Variants in IFI27 observed in about 807,000 individuals in gnomAD.
IFI27 encodes interferon alpha-inducible protein 27, mitochondrial.
Under a neutral mutation model 8.9 loss-of-function variants are expected in IFI27, and 3 were observed. That is an observed-to-expected ratio of 0.34 (90% CI 0.15 to 0.87). The LOEUF (loss-of-function observed/expected upper bound fraction) is 0.87. IFI27 is among the 40% of genes least tolerant of loss of function. IFI27 has a pLI of 0.51. For synonymous variants in IFI27, 66 were observed against 67.3 expected, an observed-to-expected ratio of 0.98 and a Z score of 0.09; for missense variants, 152 against 157.7, an observed-to-expected ratio of 0.96 and a Z score of 0.19.
exon 4 of IFI27, chr14:94,115,802 C>A (rs772822029): frequency 6.2e-7 from 1 of 1,607,068 alleles, no homozygotes; most frequent in South Asian, 1.1e-5. Flanking sequence ...GCGGCTGTGC[C>A]CATGGTGCTC....
In IFI27 at chr14:94,111,678, C is replaced by T; in HGVS notation, c.-5C>T. The T allele has an allele frequency of 1.2e-6, 2 of 1,613,226 alleles. No individual in the cohort carries two copies. Among genetic ancestry groups the T allele is most frequent in the Non-Finnish European group, 1.7e-6 (2 of 1,179,096 alleles). The stretch of plus-strand genomic sequence containing the variant: ...CTCTAGGCCACGGAATTAACCCGAG[C>T]AGGCATGGAGGCCTCTGCTCTCACC... On this transcript the variant is annotated 5_prime_UTR_variant, in exon 2 of 5. Coordinates refer to ENST00000621160, the Ensembl canonical transcript of IFI27. This position sits in a 1 kb window ranked among gnomAD's most constrained non-coding sequence, Gnocchi z 4.3.
At chr14:94,106,324 G>A (rs767492800), upstream of IFI27, among the ~76,000 whole-genome samples, 3 of 152,172 alleles carry the variant, frequency 2.0e-5, no homozygotes, top group Non-Finnish European at 2.9e-5. Flanking sequence ...CAATTCTTTG[G>A]GATATATACC....
chr14:94,114,774 T>G, intron 2 of IFI27, 77 bp from the exon 3 acceptor site: 9 of 1,526,540 alleles, frequency 5.9e-6, no homozygotes, highest in South Asian at 2.2e-5. Flanking sequence ...CTGCCTCCCT[T>G]TAGATGGGCA....
upstream of IFI27, among the ~76,000 whole-genome samples, chr14:94,106,993 T>C (rs1887023100): frequency 6.6e-6 from 1 of 152,206 alleles, no homozygotes; most frequent in African/African-American, 2.4e-5. Context: ...GGCAAATATT[T>C]AAACTATAGC....
chr14:94,107,498 T>C (rs1887031747), upstream of IFI27, among the ~76,000 whole-genome samples: 1 of 152,242 alleles, frequency 6.6e-6, no homozygotes, highest in Non-Finnish European at 1.5e-5. Context: ...TGTTTTCTTC[T>C]AGGAGTTTCA....
intron 2 of IFI27, chr14:94,113,479 G>T (rs1887269112): frequency 6.6e-6 from 1 of 152,190 alleles, no homozygotes; most frequent in African/African-American, 2.4e-5. Flanking sequence ...TCCAGGCTGG[G>T]TGACAGAGCT....
At position 94,116,068 on chromosome 14, in the gene IFI27, T is replaced by C; in HGVS notation, c.283+126T>C. 2.9e-6 allele frequency: 3 copies of C among 1,031,762 alleles called. No homozygotes were observed. The highest frequency in any genetic ancestry group is 2.6e-5 in the East Asian group (1 of 38,688). The allele number at this position is 1,031,762 out of a possible 1,614,324, so 63.9% of individuals were successfully genotyped here. On this transcript the variant is annotated intron_variant, in intron 4 of 4. Transcript: ENST00000621160. The surrounding 1 kb of genome is among the most constrained non-coding windows in gnomAD (Gnocchi z 4.3). ...TTCCTCTGTCTCTCTCTACACATTC[T>C]CTCAGGGTTTCTCTGAGGGAGATGG...
chr14:94,115,876 G>A (rs202058619), exon 4 of IFI27: 160 of 1,600,066 alleles, frequency 1.0e-4, no homozygotes, highest in Middle Eastern at 1.6e-4. Context: ...GATGATGTCC[G>A]CGGCGGCCAT....
At chr14:94,115,683 T>A (rs1452074381) in intron 3 of IFI27, 98 bp from the exon 4 acceptor site, 11 of 1,276,436 alleles carry the variant, frequency 8.6e-6, no homozygotes, top group Non-Finnish European at 1.2e-5. Context: ...AAAGTTCACC[T>A]CTTTCTCCAG....
intron 2 of IFI27, chr14:94,113,203 G>A (rs146814397): frequency 6.6e-6 from 1 of 152,218 alleles, no homozygotes; most frequent in Non-Finnish European, 1.5e-5. Context: ...AATGAACAAT[G>A]ACAGAAAGTA....
Position 94,116,250 on chromosome 14 carries a change from G to A in IFI27, c.284-192G>A. 1.5e-6 allele frequency: 1 copy of A among 647,990 alleles called. No individual in the cohort carries two copies. The highest frequency in any genetic ancestry group is 2.8e-6 in the Non-Finnish European group (1 of 359,892). The allele number at this position is 647,990 out of a possible 1,614,324, so 40.1% of individuals were successfully genotyped here. On this transcript the variant is annotated intron_variant, in intron 4 of 4. Coordinates refer to ENST00000621160, the Ensembl canonical transcript of IFI27. This position sits in a 1 kb window ranked among gnomAD's most constrained non-coding sequence, Gnocchi z 4.3. ...CTTCTAGCTCTGGAGTTCACCATGG[G>A]GGTTCATGCCTGCAGCAGCCTCTCC...
chr14:94,115,877 C>A (rs762591542), exon 4 of IFI27: 2 of 1,600,228 alleles, frequency 1.2e-6, no homozygotes, highest in South Asian at 1.1e-5. Context: ...ATGATGTCCG[C>A]GGCGGCCATT....
rs1364146778 is a variant in IFI27, at chr14:94,111,776, G to A, written c.91+3G>A. Reference sequence around the variant, plus strand: ...CTCTGCCGTAGTTTTGCCCCTGGGTGAGTGTTCCTGGGAGGGGCTGGTGCT... The same window carrying A: ...CTCTGCCGTAGTTTTGCCCCTGGGTAAGTGTTCCTGGGAGGGGCTGGTGCT... On this transcript the variant is annotated splice_donor_region_variant and intron_variant, in intron 2 of 4. Coordinates refer to ENST00000621160, the Ensembl canonical transcript of IFI27. This position sits in a 1 kb window ranked among gnomAD's most constrained non-coding sequence, Gnocchi z 4.3. 4 of 1,612,224 alleles carry A rather than the reference G, an allele frequency of 2.5e-6. No individual in the cohort carries two copies. The highest frequency in any genetic ancestry group is 3.4e-6 in the Non-Finnish European group (4 of 1,178,236).
chr14:94,107,358 A>C (rs1887030270), upstream of IFI27, among the ~76,000 whole-genome samples: 1 of 152,124 alleles, frequency 6.6e-6, no homozygotes, highest in East Asian at 1.9e-4. Context: ...GGCGTGAGCC[A>C]CCACTCCCAC....
Position 94,116,509 on chromosome 14 carries a change from C to T in IFI27, c.351C>T (p.Val117=). Residue 117 remains valine (V), a synonymous_variant, in exon 5 of 5, where the codon GTC becomes GTT. Transcript: ENST00000621160. This position sits in a 1 kb window ranked among gnomAD's most constrained non-coding sequence, Gnocchi z 4.3. The stretch of plus-strand genomic sequence containing the variant: ...CCATTGGGTCTGCCATTGCGGCTGT[C>T]ATTGCGAGGTTCTACTAGCTCCCTG... The T allele has an allele frequency of 6.2e-7, 1 of 1,613,180 alleles. No individual in the cohort carries two copies. The highest frequency in any genetic ancestry group is 8.5e-7 in the Non-Finnish European group (1 of 1,179,592).
Position 94,116,228 on chromosome 14 carries a change from C to G in IFI27, c.284-214C>G, listed in dbSNP as rs542522762. 33 of 658,956 alleles carry G rather than the reference C, an allele frequency of 5.0e-5. No homozygotes were observed. Among genetic ancestry groups the G allele is most frequent in the Non-Finnish European group, 8.5e-5 (31 of 364,626 alleles). 40.8% of individuals were successfully genotyped at this position (658,956 alleles called of 1,614,324 possible). A position where few individuals can be genotyped will look rare whatever the true frequency, so the allele number is the denominator to read the frequency against. ...CCTTCCCTGAAGAGCGAGGCTGCTT[C>G]TAGCTCTGGAGTTCACCATGGGGGT... On this transcript the variant is annotated intron_variant, in intron 4 of 4. Transcript: ENST00000621160. This position sits in a 1 kb window ranked among gnomAD's most constrained non-coding sequence, Gnocchi z 4.3.
intron 2 of IFI27, chr14:94,114,157 AT>A (rs1413452259): frequency 6.6e-6 from 1 of 152,278 alleles, no homozygotes; most frequent in Admixed American, 6.5e-5. Context: ...GAAGCTTTCA[AT>A]TCATTCCATT....
chr14:94,113,782 T>C (rs574331811), intron 2 of IFI27: 2 of 152,388 alleles, frequency 1.3e-5, no homozygotes, highest in East Asian at 3.9e-4. Flanking sequence ...CATTCCTGAT[T>C]CCCTGGGCTC....
At chr14:94,106,887 G>A (rs904308213), upstream of IFI27, among the ~76,000 whole-genome samples, 1 of 145,194 alleles carries the variant, frequency 6.9e-6, no homozygotes, top group African/African-American at 2.6e-5. Flanking sequence ...ACTCATTACT[G>A]TGAGGACAGT....
Sources: gnomAD v4.1 joint callset for allele counts (sites outside exome capture counted in the v4.1 genomes callset) on GRCh38, gnomAD v4.1.1 for gene constraint, Gnocchi (gnomAD v3.1) non-coding constraint, MANE v1.5 for transcripts, NCBI Gene and HGNC (gene_info 2026-07-23, HGNC 2026-07-21) for gene names.